Variants in RNF125 observed in about 807,000 individuals in gnomAD.
RNF125 encodes E3 ubiquitin-protein ligase RNF125.
RNF125 carries 21 observed loss-of-function variants against 26.0 expected under a neutral mutation model. The ratio of observed to expected loss-of-function variants is 0.81; its 90% CI spans 0.57 to 1.16. The LOEUF is 1.16. Ranked by LOEUF, RNF125 falls within the 50% of genes most tolerant of loss-of-function variation. The probability of loss-of-function intolerance (pLI) is 0.00; values close to 1 mark genes in which losing one functional copy is unlikely to be tolerated. For synonymous variants in RNF125, 95 were observed against 109.2 expected (o/e 0.87, Z 0.81); for missense variants, 270 against 299.4 (o/e 0.90, Z 0.72).
At chr18:32,041,873 G>A (rs886586997) in intron 2 of RNF125, 19 of 231,330 alleles carry the variant, frequency 8.2e-5, no homozygotes, top group East Asian at 1.4e-4. Context: ...CTCGTGATCC[G>A]CCCGCCTCGG....
chr18:32,048,783 G>A (rs2039297481), intron 4 of RNF125, among the ~76,000 whole-genome samples: 1 of 152,194 alleles, frequency 6.6e-6, no homozygotes, highest in South Asian at 2.1e-4. Context: ...ATGGTCACGG[G>A]CTTTTCCTGC....
At chr18:32,054,431 G>T (rs1329642376) in intron 4 of RNF125, among the ~76,000 whole-genome samples, 2 of 152,110 alleles carry the variant, frequency 1.3e-5, no homozygotes, top group Admixed American at 1.3e-4. Flanking sequence ...TTACATTGGT[G>T]ATTCCTAATA....
At chr18:32,051,290 A>G (rs1032999628) in intron 4 of RNF125, among the ~76,000 whole-genome samples, 1 of 152,092 alleles carries the variant, frequency 6.6e-6, no homozygotes, top group Non-Finnish European at 1.5e-5. Flanking sequence ...TGCCTAGAAC[A>G]TAGCAGGATG....
At chr18:32,057,598 A>G (rs1024887092) in intron 4 of RNF125, among the ~76,000 whole-genome samples, 13 of 151,858 alleles carry the variant, frequency 8.6e-5, no homozygotes, top group African/African-American at 3.1e-4. Context: ...GCCTCCCAAA[A>G]TGCTGGGATT....
At chr18:32,056,918 A>G (rs2039391090) in intron 4 of RNF125, among the ~76,000 whole-genome samples, 1 of 152,176 alleles carries the variant, frequency 6.6e-6, no homozygotes, top group Non-Finnish European at 1.5e-5. Flanking sequence ...CTATTTCTAC[A>G]TTATACTTGG....
chr18:32,026,935 A>G (rs975234563), intron 1 of RNF125, among the ~76,000 whole-genome samples: 1 of 152,244 alleles, frequency 6.6e-6, no homozygotes, highest in Admixed American at 6.5e-5. Flanking sequence ...GCCAGCCGCA[A>G]ATGGGGTACA....
chr18:32,065,093 CAT>C (rs1328564469), intron 4 of RNF125, among the ~76,000 whole-genome samples: 2 of 152,078 alleles, frequency 1.3e-5, no homozygotes, highest in African/African-American at 4.8e-5. Flanking sequence ...CATATGAAGA[CAT>C]GTAATTTTAT....
intron 1 of RNF125, among the ~76,000 whole-genome samples, chr18:32,020,106 A>T (rs1568189970): frequency 6.6e-6 from 1 of 151,230 alleles, no homozygotes; most frequent in Non-Finnish European, 1.5e-5. Flanking sequence ...ATCTCGGCTC[A>T]CTGCAACCTC....
chr18:32,022,002 C>A (rs2038991087), intron 1 of RNF125, among the ~76,000 whole-genome samples: 1 of 152,138 alleles, frequency 6.6e-6, no homozygotes, highest in African/African-American at 2.4e-5. Flanking sequence ...TTACTTGGTC[C>A]CCTTCCACTT....
rs1379249991 is a variant in RNF125 at position 32,065,932 on chromosome 18, G to T, written c.535G>T (p.Glu179Ter). Residue 179 changes from glutamate to a stop codon, truncating the protein, a stop_gained, in exon 5 of 6, where the codon GAG becomes TAG. Transcript: ENST00000217740. LOFTEE classifies it high-confidence loss of function. ...TCCACTTTGCCGTTTAATACCCGAT[G>T]AGAATCCAAGCAGCTTCAGTGGCAG... ...FCPLCRLIPD[E>*]NPSSFSGSLI... 2 of 1,613,798 alleles carry T rather than the reference G, an allele frequency of 1.2e-6. No homozygotes were observed. Among genetic ancestry groups the T allele is most frequent in the Non-Finnish European group, 1.7e-6 (2 of 1,179,698 alleles).
At chr18:32,034,092 C>T (rs2039127123) in intron 1 of RNF125, among the ~76,000 whole-genome samples, 1 of 152,196 alleles carries the variant, frequency 6.6e-6, no homozygotes. Context: ...GACCTGGCAC[C>T]TCCAGCACCT....
chr18:32,064,844 C>T (rs1361417275), intron 4 of RNF125, among the ~76,000 whole-genome samples: 1 of 151,998 alleles, frequency 6.6e-6, no homozygotes, highest in Admixed American at 6.6e-5. Flanking sequence ...TAATTGTTGA[C>T]CTGGTAATTG....
intron 4 of RNF125, among the ~76,000 whole-genome samples, chr18:32,064,265 A>C (rs975841404): frequency 6.6e-6 from 1 of 151,994 alleles, no homozygotes; most frequent in Non-Finnish European, 1.5e-5. Flanking sequence ...GATGACAGGC[A>C]TGAGCCACGG....
chr18:32,053,638 AT>A (rs61224386), intron 4 of RNF125, among the ~76,000 whole-genome samples: 13,804 of 151,922 alleles, frequency 0.091, 2,031 homozygotes, highest in African/African-American at 0.31. Context: ...ATTTTTAAAA[AT>A]TAGCCAGGCA....
At chr18:32,026,242 C>G (rs998980060) in intron 1 of RNF125, among the ~76,000 whole-genome samples, 8 of 73,140 alleles carry the variant, frequency 1.1e-4, no homozygotes. Flanking sequence ...AGCACCCGGT[C>G]TTTTTTTTTT....
At chr18:32,073,501 GGC>G (rs1463358938), downstream of RNF125, among the ~76,000 whole-genome samples, 3 of 152,260 alleles carry the variant, frequency 2.0e-5, no homozygotes, top group Non-Finnish European at 4.4e-5. Context: ...TGCGCAAAAT[GGC>G]AATAGTGCCT....
chr18:32,087,883 C>T, the RNF125 span, among the ~76,000 whole-genome samples: 26 of 152,276 alleles, frequency 1.7e-4, no homozygotes, highest in African/African-American at 6.3e-4. Flanking sequence ...TATACCCTTT[C>T]CTTATGGTCT....
chr18:32,063,833 A>G (rs1414747853), intron 4 of RNF125, among the ~76,000 whole-genome samples: 1 of 152,176 alleles, frequency 6.6e-6, no homozygotes, highest in African/African-American at 2.4e-5. Context: ...TAAATACTGT[A>G]TAGTTCTATT....
At chr18:32,049,710 G>A (rs977498582) in intron 4 of RNF125, among the ~76,000 whole-genome samples, 1 of 152,098 alleles carries the variant, frequency 6.6e-6, no homozygotes, top group African/African-American at 2.4e-5. Context: ...CCAAGGTTCT[G>A]TAATACCCTA....
Sources: allele counts gnomAD v4.1 joint callset (sites outside exome capture counted in the v4.1 genomes callset), GRCh38; gene constraint gnomAD v4.1.1; transcripts MANE v1.5; gene names NCBI Gene and HGNC (gene_info 2026-07-23, HGNC 2026-07-21).